XG: variants seen among roughly 807,000 people sequenced by gnomAD.
The protein encoded by XG is Xg glycoprotein (Xg blood group), also known as glycoprotein Xg.
XG carries 24 observed loss-of-function variants against 25.7 expected under a neutral mutation model. The ratio of observed to expected loss-of-function variants is 0.93; its 90% CI spans 0.68 to 1.31. XG has a LOEUF of 1.31. Among genes scored for constraint, XG ranks in the 40% most tolerant of loss-of-function variants. XG has a pLI of 0.00. For synonymous variants in XG, 77 were observed against 69.2 expected, an observed-to-expected ratio of 1.11 and a Z score of -0.56; for missense variants, 181 against 187.6, an observed-to-expected ratio of 0.96 and a Z score of 0.21.
chrX:2,757,856 C>T (rs968046378), intron 1 of XG, among the ~76,000 whole-genome samples: 43 of 150,288 alleles, frequency 2.9e-4, no homozygotes, highest in African/African-American at 1.1e-3. Flanking sequence ...TCTGTAATCC[C>T]AGCTATTCAG....
At chrX:2,762,671 C>T (rs189470669) in intron 1 of XG, among the ~76,000 whole-genome samples, 1 of 152,330 alleles carries the variant, frequency 6.6e-6, no homozygotes, top group African/African-American at 2.4e-5. Flanking sequence ...AACAAGCCCC[C>T]CGGGAATAAG....
At chrX:2,774,610 CT>C in intron 2 of XG, 105 bp from the exon 3 acceptor site, 4 of 1,260,584 alleles carry the variant, frequency 3.2e-6, no homozygotes, top group Non-Finnish European at 4.6e-6. Flanking sequence ...CTTTGTATGG[CT>C]TTGTCACTCC....
rs183112718 is a variant in XG at position 2,796,325 on chromosome X, G to A, written c.323-985G>A. Among the ~76,000 whole-genome samples, 408 of 107,953 alleles carry A rather than the reference G, an allele frequency of 3.8e-3. 4 individuals are homozygous for A. Among genetic ancestry groups the A allele is most frequent in the African/African-American group, 0.013 (377 of 30,000 alleles). The allele number at this position is 107,953 out of a possible 115,157, so 93.7% of individuals were successfully genotyped here. On this transcript the variant is annotated intron_variant, in intron 6 of 10. Transcript: ENST00000644266. The stretch of plus-strand genomic sequence containing the variant: ...TTTGTATAAACACATATTTGTAAAT[G>A]TCTTTCCATATATATGCATATATAG...
chrX:2,778,492 T>G (rs1262743230), intron 3 of XG, among the ~76,000 whole-genome samples: 1 of 151,882 alleles, frequency 6.6e-6, no homozygotes, highest in African/African-American at 2.4e-5. Context: ...CAGTGAGCCA[T>G]GATCACGCCA....
chrX:2,763,816 G>A (rs2050617205), intron 1 of XG, among the ~76,000 whole-genome samples: 1 of 152,130 alleles, frequency 6.6e-6, no homozygotes, highest in African/African-American at 2.4e-5. Flanking sequence ...CGGAATAAAC[G>A]CCTCACTTCC....
chrX:2,773,825 A>G (rs111249408), intron 2 of XG, among the ~76,000 whole-genome samples: 14 of 138,704 alleles, frequency 1.0e-4, no homozygotes, highest in South Asian at 7.8e-4. Flanking sequence ...GAAGGAGAGA[A>G]GGAAGGAAGG....
intron 1 of XG, among the ~76,000 whole-genome samples, chrX:2,759,809 C>T (rs6642012): frequency 0.1 from 15,406 of 152,218 alleles, 1,086 homozygotes; most frequent in East Asian, 0.38. Flanking sequence ...GGGGCTCTGC[C>T]AGACACGGCA....
chrX:2,797,504 G>A (rs1170758020), intron 7 of XG, 144 bp downstream of exon 7: 2 of 681,308 alleles, frequency 2.9e-6, no homozygotes, highest in Non-Finnish European at 4.4e-6. Context: ...GGTCTTCTGA[G>A]AACCTGTCTG....
intron 9 of XG, among the ~76,000 whole-genome samples, chrX:2,808,930 C>T (rs1416545796): frequency 3.6e-5 from 4 of 111,415 alleles, no homozygotes; most frequent in African/African-American, 1.3e-4. Context: ...ACCTTTTTCC[C>T]TCTGTGGTGT....
At chrX:2,793,375 C>T (rs1227128011) in intron 5 of XG, among the ~76,000 whole-genome samples, 1 of 111,704 alleles carries the variant, frequency 9.0e-6, no homozygotes, top group African/African-American at 3.3e-5. Flanking sequence ...GAAGGAAGGT[C>T]TCCTTGGATC....
At chrX:2,804,357 G>T (rs1242644681) in intron 7 of XG, among the ~76,000 whole-genome samples, 1 of 112,360 alleles carries the variant, frequency 8.9e-6, no homozygotes, top group Non-Finnish European at 1.9e-5. Flanking sequence ...AGTCGGTTAG[G>T]TCTGGCCTCT....
intron 1 of XG, among the ~76,000 whole-genome samples, chrX:2,754,790 G>A (rs998086856): frequency 6.6e-6 from 1 of 152,098 alleles, no homozygotes. Flanking sequence ...TAGCCACAGC[G>A]GCAGCTGATT....
Position 2,814,587 on chromosome X carries a change from C to T in XG, c.*207C>T, listed in dbSNP as rs1442791488. The T allele has an allele frequency of 2.3e-6, 1 of 425,852 alleles. No homozygotes were observed. The highest frequency in any genetic ancestry group is 5.0e-5 in the Admixed American group (1 of 19,902). 35.1% of individuals were successfully genotyped at this position (425,852 alleles called of 1,213,427 possible). A position where few individuals can be genotyped will look rare whatever the true frequency, so the allele number is the denominator to read the frequency against. ...TATAAAGATAAGTTAGGCAGCTAGA[C>T]CCTGCGTTCTAAAAAAGGATTGCTT... On this transcript the variant is annotated 3_prime_UTR_variant, in exon 11 of 11. Coordinates refer to ENST00000644266, the MANE Select transcript of XG (RefSeq NM_001141919.2).
At position 2,766,278 on chromosome X, in the gene XG, T is replaced by C. The variant is rs181310302; in HGVS notation, c.62-4272T>C. On this transcript the variant is annotated intron_variant, in intron 1 of 10. Transcript: ENST00000644266. Reference sequence around the variant, plus strand: ...GCCTCAGCCTCCTGAGTAGCTGGGATTACAGGCACGCACCACCACGCTCAG... The same window carrying C: ...GCCTCAGCCTCCTGAGTAGCTGGGACTACAGGCACGCACCACCACGCTCAG... Among the ~76,000 whole-genome samples, 408 of 151,408 alleles carry C rather than the reference T, an allele frequency of 2.7e-3. 5 individuals are homozygous for C. The highest frequency in any genetic ancestry group is 9.3e-3 in the African/African-American group (383 of 41,246).
intron 3 of XG, among the ~76,000 whole-genome samples, chrX:2,780,918 G>T (rs759117765): frequency 6.6e-6 from 1 of 152,148 alleles, no homozygotes; most frequent in South Asian, 2.1e-4. Flanking sequence ...GCAGAGGGGG[G>T]ACTTTGAATA....
chrX:2,770,710 C>A, intron 2 of XG, 119 bp downstream of exon 2: 1 of 1,237,392 alleles, frequency 8.1e-7, no homozygotes, highest in Non-Finnish European at 1.2e-6. Flanking sequence ...GTCTTGAGAT[C>A]TCTGTTCTTT....
At chrX:2,771,282 T>C (rs752280880) in intron 2 of XG, among the ~76,000 whole-genome samples, 1 of 151,408 alleles carries the variant, frequency 6.6e-6, no homozygotes, top group East Asian at 1.9e-4. Flanking sequence ...CATTGTCCCA[T>C]ACCCCGATCC....
In XG at chrX:2,815,910, A is replaced by C. The variant is rs1425157029; in HGVS notation, c.*1530A>C. 8.9e-6 allele frequency: 1 copy of C among 111,954 alleles called. No individual in the cohort carries two copies. The highest frequency in any genetic ancestry group is 1.9e-5 in the Non-Finnish European group (1 of 53,229). The allele number at this position is 111,954 out of a possible 1,213,427, so 9.2% of individuals were successfully genotyped here. A position where few individuals can be genotyped will look rare whatever the true frequency, so the allele number is the denominator to read the frequency against. ...AAACTATTTTTAATCATTTTAAATA[A>C]ATGTAAAAGAAAAATAACTGGATTT... On this transcript the variant is annotated 3_prime_UTR_variant, in exon 11 of 11. Coordinates refer to ENST00000644266, the MANE Select transcript of XG (RefSeq NM_001141919.2).
chrX:2,774,898 G>A, intron 3 of XG, 159 bp downstream of exon 3: 1 of 929,958 alleles, frequency 1.1e-6, no homozygotes, highest in South Asian at 1.5e-5. Flanking sequence ...TGGTGATTAG[G>A]GAAATGCAAA....
Sources: allele counts gnomAD v4.1 joint callset (sites outside exome capture counted in the v4.1 genomes callset), GRCh38; gene constraint gnomAD v4.1.1; transcripts MANE v1.5; gene names NCBI Gene and HGNC (gene_info 2026-07-23, HGNC 2026-07-21).